HAGH: variants seen among roughly 807,000 people sequenced by gnomAD.
HAGH encodes the protein hydroxyacylglutathione hydrolase, mitochondrial.
A neutral mutation model predicts 35.1 loss-of-function variants in HAGH; 29 were observed. The ratio of observed to expected loss-of-function variants is 0.83; its 90% confidence interval spans 0.62 to 1.13. The LOEUF is 1.13. Ranked by LOEUF, HAGH falls within the 50% of genes most tolerant of loss-of-function variation. The pLI is 0.00. For synonymous variants in HAGH, 225 were observed against 176.1 expected, an observed-to-expected ratio of 1.28 and a Z score of -2.20; for missense variants, 478 against 419.6, an observed-to-expected ratio of 1.14 and a Z score of -1.22.
At chr16:1,822,218 G>A in intron 3 of HAGH, 82 bp downstream of exon 3, 1 of 840,820 alleles carries the variant, frequency 1.2e-6, no homozygotes, top group South Asian at 1.4e-5. Context: ...GCCGTGGGGG[G>A]AGACAGGCCT....
At chr16:1,825,867 C>T (rs1359807133) in intron 1 of HAGH, among the ~76,000 whole-genome samples, 1 of 152,212 alleles carries the variant, frequency 6.6e-6, no homozygotes, top group African/African-American at 2.4e-5. Context: ...CGTCACTGCA[C>T]TTCTTTTTTA....
At chr16:1,811,918 G>A (rs1054755833) in intron 7 of HAGH, among the ~76,000 whole-genome samples, 2 of 151,880 alleles carry the variant, frequency 1.3e-5, no homozygotes, top group African/African-American at 2.4e-5. Flanking sequence ...GGCCGGGTGT[G>A]GTTGGCACAT....
intron 1 of HAGH, among the ~76,000 whole-genome samples, chr16:1,824,302 G>C (rs555125033): frequency 1.4e-5 from 2 of 146,372 alleles, no homozygotes; most frequent in South Asian, 4.6e-4. Context: ...CAGTTCCTTT[G>C]AGACGGAAAG....
intron 7 of HAGH, 74 bp from the exon 8 acceptor site, chr16:1,809,907 T>C (rs1897562496): frequency 9.1e-7 from 1 of 1,098,046 alleles, no homozygotes; most frequent in Non-Finnish European, 1.4e-6. Flanking sequence ...CTCACGTCTG[T>C]GATACCAGCA....
At chr16:1,815,256 T>C (rs1449234287) in intron 7 of HAGH, among the ~76,000 whole-genome samples, 2 of 152,164 alleles carry the variant, frequency 1.3e-5, no homozygotes, top group East Asian at 3.9e-4. Context: ...TGGGGGACTG[T>C]AGAACAGTAC....
chr16:1,814,132 G>A (rs1020582107), intron 7 of HAGH, among the ~76,000 whole-genome samples: 1 of 152,184 alleles, frequency 6.6e-6, no homozygotes, highest in African/African-American at 2.4e-5. Context: ...GTCTTTGTGA[G>A]CTAAGGGTAT....
At position 1,819,119 on chromosome 16, in the gene HAGH, G is replaced by GAAC. The variant is rs779157597; in HGVS notation, c.534_536dup (p.Val178_Phe179insLeu). 2 of 1,600,230 alleles carry GAAC rather than the reference G, an allele frequency of 1.2e-6. No homozygotes were observed. Among genetic ancestry groups the GAAC allele is most frequent in the African/African-American group, 2.7e-5 (2 of 74,708 alleles). On this transcript the variant is annotated inframe_insertion, in exon 5 of 9. Coordinates refer to ENST00000397356, the MANE Select transcript of HAGH (RefSeq NM_005326.6). Reference sequence around the variant, plus strand: ...CACCCACACTCGAACACGCACCTGTGAACACGGCAGGGGGCTCCGAGCCTC... The same window carrying GAAC: ...CACCCACACTCGAACACGCACCTGTGAACAACACGGCAGGGGGCTCCGAGCCTC...
chr16:1,819,346 T>C (rs1898045321), intron 4 of HAGH, 123 bp from the exon 5 acceptor site: 8 of 628,830 alleles, frequency 1.3e-5, no homozygotes, highest in Non-Finnish European at 2.2e-5. Context: ...CCCGTGAAGG[T>C]GGGGCAGGTG....
intron 7 of HAGH, among the ~76,000 whole-genome samples, chr16:1,814,390 C>A (rs1416752368): frequency 6.6e-6 from 1 of 151,372 alleles, no homozygotes; most frequent in Non-Finnish European, 1.5e-5. Context: ...AGGAGAATCG[C>A]TTAAACCCAG....
intron 7 of HAGH, among the ~76,000 whole-genome samples, chr16:1,815,894 C>T (rs1440050893): frequency 1.3e-5 from 2 of 151,060 alleles, no homozygotes; most frequent in Non-Finnish European, 2.9e-5. Flanking sequence ...TGGCTGGCGC[C>T]TGTAATCCCA....
intron 7 of HAGH, among the ~76,000 whole-genome samples, chr16:1,813,983 G>A (rs1897775191): frequency 6.6e-6 from 1 of 152,118 alleles, no homozygotes; most frequent in South Asian, 2.1e-4. Flanking sequence ...TGAACACCTC[G>A]GGATCACACT....
chr16:1,809,329 C>G lies in HAGH; in HGVS notation c.881G>C (p.Arg294Pro), dbSNP rs780444627. 1 of 1,613,742 alleles carries G rather than the reference C, an allele frequency of 6.2e-7. No homozygotes were observed. The highest frequency in any genetic ancestry group is 8.5e-7 in the Non-Finnish European group (1 of 1,179,874). The change falls in exon 9 of 9, where the codon CGG becomes CCG. Residue 294 changes from arginine to proline, a missense_variant. Coordinates refer to ENST00000397356, the MANE Select transcript of HAGH (RefSeq NM_005326.6). ...CTGGTCCTTCTCCCTGCGCACGGCC[C>G]GCATGGTGGTCACCGGGTCCGTCTC... Reference protein sequence around the residue: ...AGETDPVTTMRAVRREKDQFK... With the variant: ...AGETDPVTTMPAVRREKDQFK...
chr16:1,826,666 C>G, intron 1 of HAGH, 46 bp downstream of exon 1: 1 of 967,416 alleles, frequency 1.0e-6, no homozygotes, highest in Non-Finnish European at 1.2e-6. Context: ...GCTGCCCGCC[C>G]CGCCAGGCCC....
At chr16:1,822,089 T>A (rs891451109) in intron 3 of HAGH, 2 of 575,280 alleles carry the variant, frequency 3.5e-6, no homozygotes, top group East Asian at 2.8e-5. Flanking sequence ...TGTAACCTTC[T>A]CCCCTCACCC....
intron 7 of HAGH, among the ~76,000 whole-genome samples, chr16:1,812,117 G>A (rs1897673872): frequency 6.6e-6 from 1 of 151,074 alleles, no homozygotes; most frequent in Non-Finnish European, 1.5e-5. Flanking sequence ...CTGAACCCAG[G>A]AGGCGGAGGT....
intron 7 of HAGH, among the ~76,000 whole-genome samples, chr16:1,811,212 G>A (rs546131809): frequency 3.3e-5 from 5 of 152,038 alleles, no homozygotes; most frequent in South Asian, 4.2e-4. Context: ...TCAGGAGTTC[G>A]AGACCAGCCT....
chr16:1,816,757 G>T, intron 7 of HAGH, 136 bp downstream of exon 7: 1 of 654,852 alleles, frequency 1.5e-6, no homozygotes, highest in Non-Finnish European at 2.8e-6. Context: ...AGGGCGAGCT[G>T]GGCCACACTG....
At chr16:1,819,361 C>T in intron 4 of HAGH, 138 bp from the exon 5 acceptor site, 1 of 612,172 alleles carries the variant, frequency 1.6e-6, no homozygotes. Context: ...CAGGTGCTCC[C>T]CACCACGGGA....
At chr16:1,822,765 A>G (rs1156993798) in intron 2 of HAGH, 100 bp downstream of exon 2, 1 of 992,982 alleles carries the variant, frequency 1.0e-6, no homozygotes, top group East Asian at 2.4e-5. Context: ...CATTTAGCTT[A>G]GGCAAAGTTG....
Sources: gnomAD v4.1 joint callset for allele counts (sites outside exome capture counted in the v4.1 genomes callset) on GRCh38, gnomAD v4.1.1 for gene constraint, MANE v1.5 for transcripts, NCBI Gene and HGNC (gene_info 2026-07-23, HGNC 2026-07-21) for gene names.